The following CDH11 variants were observed in gnomAD, a reference collection of about 807,000 sequenced individuals.
The protein encoded by CDH11 is cadherin 11, also known as cadherin-11.
Under a neutral mutation model 67.8 loss-of-function variants are expected in CDH11, and 11 were observed. The observed-to-expected ratio is 0.16, with a 90% CI of 0.10 to 0.27. The LOEUF (loss-of-function observed/expected upper bound fraction) is 0.27. CDH11 is among the 10% of genes least tolerant of loss of function. The pLI, the probability that CDH11 is intolerant of heterozygous loss-of-function variation, is 1.00. For synonymous variants in CDH11, 419 were observed against 400.0 expected (o/e 1.05, Z -0.57); for missense variants, 847 against 1,031.2 (o/e 0.82, Z 2.45).
chr16:65,020,888 CT>C (rs1378481488), intron 2 of CDH11, among the ~76,000 whole-genome samples: 1 of 152,026 alleles, frequency 6.6e-6, no homozygotes, highest in Non-Finnish European at 1.5e-5. Context: ...AGATGGAACC[CT>C]TTCAGGAACA....
chr16:65,025,074 T>C (rs2073504397), intron 2 of CDH11, among the ~76,000 whole-genome samples: 1 of 152,218 alleles, frequency 6.6e-6, no homozygotes, highest in Non-Finnish European at 1.5e-5. Context: ...CATAATCTCA[T>C]GGTACAGGGA....
At chr16:65,067,759 GAAGA>G (rs2074339026) in intron 1 of CDH11, among the ~76,000 whole-genome samples, 1 of 140,586 alleles carries the variant, frequency 7.1e-6, no homozygotes. Context: ...AGGGAGGGAG[GAAGA>G]AAGGAAGGGA....
intron 8 of CDH11, among the ~76,000 whole-genome samples, chr16:64,976,688 T>A (rs1475591904): frequency 6.6e-6 from 1 of 152,174 alleles, no homozygotes; most frequent in Non-Finnish European, 1.5e-5. Flanking sequence ...AACCTGTCTC[T>A]ATTTATACTA....
chr16:64,950,629 A>AACC, intron 12 of CDH11, 138 bp downstream of exon 12: 2 of 796,184 alleles, frequency 2.5e-6, no homozygotes, highest in Non-Finnish European at 3.5e-6. Context: ...CCGCCCCCGT[A>AACC]CCCCACTTCT....
At chr16:65,067,948 G>T (rs2074345604) in intron 1 of CDH11, among the ~76,000 whole-genome samples, 1 of 119,270 alleles carries the variant, frequency 8.4e-6, no homozygotes, top group Non-Finnish European at 1.7e-5. Context: ...TGAACGGAGG[G>T]AGGGAGGAAG....
chr16:64,989,335 G>A (rs1296249960), intron 6 of CDH11, among the ~76,000 whole-genome samples: 1 of 152,060 alleles, frequency 6.6e-6, no homozygotes, highest in East Asian at 1.9e-4. Context: ...GAGTGAGTTT[G>A]TGTATGTGTA....
At position 64,973,000 on chromosome 16, in the gene CDH11, T is replaced by A. The variant is rs369210864; in HGVS notation, c.1294A>T (p.Thr432Ser). The change falls in exon 9 of 13, where the codon ACT becomes TCT. Residue 432 changes from threonine to serine, a missense_variant. Transcript: ENST00000268603. ...ATAAAACCATCCTCTGGATTAATAG[T>A]GAAAAATCTGTCGAGGTCAGTGTGA... Reference protein sequence around the residue: ...DRHTDLDRFFTINPEDGFIKT... With the variant: ...DRHTDLDRFFSINPEDGFIKT... 6.2e-7 allele frequency: 1 copy of A among 1,613,764 alleles called. No homozygotes were observed.
At chr16:65,005,569 C>T (rs189446363) in intron 2 of CDH11, among the ~76,000 whole-genome samples, 61 of 152,202 alleles carry the variant, frequency 4.0e-4, no homozygotes, top group African/African-American at 1.4e-3. Context: ...ACGAAGAAGG[C>T]GGGCAGGCAA....
chr16:65,021,127 C>A (rs7195682), intron 2 of CDH11, among the ~76,000 whole-genome samples: 54,011 of 151,818 alleles, frequency 0.36, 9,893 homozygotes, highest in South Asian at 0.5. Context: ...GTGCAAAGAG[C>A]AGAGTGCTTC....
chr16:65,045,351 A>ATATATATATATATC (rs2073941461), intron 2 of CDH11, among the ~76,000 whole-genome samples: 9 of 119,630 alleles, frequency 7.5e-5, no homozygotes, highest in Non-Finnish European at 3.6e-5. Flanking sequence ...ATATATATAT[A>ATATATATATATATC]TATATATATA....
rs147941154 is a variant in CDH11, at chr16:64,988,343, G to T, written c.813C>A (p.Ser271Arg). The change falls in exon 7 of 13, where the codon AGC becomes AGA. Residue 271 changes from serine (S) to arginine (R), a missense_variant and splice_region_variant. Physicochemically the swap from Ser to Arg is moderately radical, Grantham distance 110 (BLOSUM62 -1). Transcript: ENST00000268603. Reference protein sequence around the residue: ...VNDNPPKFPQSVYQMSVSEAA... With the variant: ...VNDNPPKFPQRVYQMSVSEAA... ...CTTCTGACACAGACATCTGGTATAC[G>T]CCTAGAAGAAGAAGACATCTATTTT... is the stretch of plus-strand genomic sequence containing the variant. 85 of 1,600,872 alleles carry T rather than the reference G, an allele frequency of 5.3e-5. No individual in the cohort carries two copies. Among genetic ancestry groups the T allele is most frequent in the Non-Finnish European group, 7.0e-5 (82 of 1,175,338 alleles).
chr16:65,096,443 GTATATATATGTTTATATA>G (rs2074896580), intron 1 of CDH11, among the ~76,000 whole-genome samples: 3 of 138,438 alleles, frequency 2.2e-5, no homozygotes, highest in Admixed American at 7.3e-5. Context: ...GTGTGTGTGT[GTATATATATGTTTATATA>G]TGTGTGTATA....
At chr16:65,042,016 G>T (rs1206808648) in intron 2 of CDH11, among the ~76,000 whole-genome samples, 1 of 152,232 alleles carries the variant, frequency 6.6e-6, no homozygotes, top group South Asian at 2.1e-4. Flanking sequence ...CAGGCTCCAG[G>T]CTTCTGCCCC....
intron 1 of CDH11, among the ~76,000 whole-genome samples, chr16:65,069,527 T>C (rs143750138): frequency 1.2e-3 from 182 of 152,262 alleles, no homozygotes; most frequent in African/African-American, 4.3e-3. Context: ...ACATCTAAAG[T>C]GAGCTTGGGT....
intron 3 of CDH11, among the ~76,000 whole-genome samples, chr16:65,002,504 T>A (rs1314335657): frequency 6.6e-6 from 1 of 152,254 alleles, no homozygotes; most frequent in Non-Finnish European, 1.5e-5. Context: ...GAATTCCATA[T>A]GCCAATTATT....
At chr16:65,109,271 T>C (rs1370243301) in intron 1 of CDH11, among the ~76,000 whole-genome samples, 1 of 152,248 alleles carries the variant, frequency 6.6e-6, no homozygotes, top group Non-Finnish European at 1.5e-5. Flanking sequence ...TTGTACTCTC[T>C]GACCCATTAG....
At chr16:64,963,653 T>A (rs1202367277) in intron 11 of CDH11, among the ~76,000 whole-genome samples, 3 of 152,100 alleles carry the variant, frequency 2.0e-5, no homozygotes, top group Non-Finnish European at 4.4e-5. Flanking sequence ...CCTAGTCATA[T>A]CATATTCAAA....
intron 1 of CDH11, among the ~76,000 whole-genome samples, chr16:65,055,915 T>C (rs2074134572): frequency 6.6e-6 from 1 of 152,196 alleles, no homozygotes; most frequent in Non-Finnish European, 1.5e-5. Flanking sequence ...TCATGAAGGA[T>C]TGTTCTTCTA....
intron 2 of CDH11, among the ~76,000 whole-genome samples, chr16:65,029,211 T>C (rs986182786): frequency 6.6e-6 from 1 of 152,054 alleles, no homozygotes; most frequent in African/African-American, 2.4e-5. Flanking sequence ...ACTATTACCA[T>C]AAAGTAAGCA....
Sources: allele counts gnomAD v4.1 joint callset (sites outside exome capture counted in the v4.1 genomes callset), GRCh38; gene constraint gnomAD v4.1.1; transcripts MANE v1.5; gene names NCBI Gene and HGNC (gene_info 2026-07-23, HGNC 2026-07-21).